ARG2: variants seen among roughly 807,000 people sequenced by gnomAD.
The protein encoded by ARG2 is arginase-2, mitochondrial.
Under a neutral mutation model 39.4 loss-of-function variants are expected in ARG2, and 21 were observed. The observed-to-expected ratio is 0.53, with a 90% confidence interval of 0.38 to 0.77. ARG2 has a LOEUF of 0.77. Among genes scored for constraint, ARG2 ranks in the 30% least tolerant of loss-of-function variants. The probability of loss-of-function intolerance (pLI) is 0.00; values close to 1 mark genes in which losing one functional copy is unlikely to be tolerated. For missense variants in ARG2, 378 were observed against 426.2 expected, an observed-to-expected ratio of 0.89 and a Z score of 1.00; for synonymous variants, 150 against 156.7, an observed-to-expected ratio of 0.96 and a Z score of 0.32.
intron 2 of ARG2, among the ~76,000 whole-genome samples, chr14:67,631,649 G>A (rs2036920442): frequency 6.6e-6 from 1 of 151,988 alleles, no homozygotes; most frequent in Non-Finnish European, 1.5e-5. Flanking sequence ...CCAGGCTGGT[G>A]TTTAACTCCT....
chr14:67,632,329 T>C (rs2036926501), intron 2 of ARG2, among the ~76,000 whole-genome samples: 1 of 152,254 alleles, frequency 6.6e-6, no homozygotes, highest in Admixed American at 6.5e-5. Flanking sequence ...ACTGACTTGA[T>C]ATATCCATAA....
intron 2 of ARG2, among the ~76,000 whole-genome samples, chr14:67,635,776 C>T (rs1010955269): frequency 2.0e-4 from 30 of 152,134 alleles, no homozygotes; most frequent in East Asian, 1.2e-3. Context: ...TTGCTTGATC[C>T]GGTGGGTGGA....
At chr14:67,645,963 G>C (rs2037092992) in intron 4 of ARG2, among the ~76,000 whole-genome samples, 161 bp downstream of exon 4, 1 of 152,156 alleles carries the variant, frequency 6.6e-6, no homozygotes, top group Non-Finnish European at 1.5e-5. Flanking sequence ...CAGATGCTAG[G>C]GGTATAAAGA....
At chr14:67,650,567 T>C in intron 7 of ARG2, 148 bp from the exon 8 acceptor site, 1 of 667,700 alleles carries the variant, frequency 1.5e-6, no homozygotes. Context: ...GAGGATGAGG[T>C]GCAAGGGGCT....
At chr14:67,644,062 C>T (rs1490945127) in intron 3 of ARG2, among the ~76,000 whole-genome samples, 2 of 152,122 alleles carry the variant, frequency 1.3e-5, no homozygotes, top group East Asian at 3.8e-4. Context: ...GACCACTGAT[C>T]AATGTGATTA....
At position 67,646,865 on chromosome 14, in the gene ARG2, T is replaced by C. The variant is rs1466123977; in HGVS notation, c.618-56T>C. The stretch of plus-strand genomic sequence containing the variant: ...AAACCCACCCTCTCCCCCAAATACA[T>C]ATTTGTTAAAAATGCTCTTTAAACT... On this transcript the variant is annotated intron_variant, in intron 5 of 7. Transcript: ENST00000261783. 7.8e-6 allele frequency: 11 copies of C among 1,406,444 alleles called. No homozygotes were observed. In the South Asian group the frequency reaches 8.1e-5, roughly 10 times the overall value. 87.1% of individuals were successfully genotyped at this position (1,406,444 alleles called of 1,614,324 possible). A position where few individuals can be genotyped will look rare whatever the true frequency, so the allele number is the denominator to read the frequency against.
intron 4 of ARG2, 150 bp from the exon 5 acceptor site, chr14:67,646,494 C>T (rs1594829940): frequency 3.4e-6 from 2 of 594,030 alleles, no homozygotes; most frequent in Non-Finnish European, 6.0e-6. Context: ...TGTCACTTCT[C>T]CTTCCCAGAT....
intron 3 of ARG2, among the ~76,000 whole-genome samples, chr14:67,644,469 C>A (rs2037070868): frequency 6.6e-6 from 1 of 152,184 alleles, no homozygotes. Context: ...AAAGACCCAA[C>A]CAGTGTGGGA....
Position 67,647,031 on chromosome 14 carries a change from TA to T in ARG2, c.722+8del. On this transcript the variant is annotated splice_region_variant and intron_variant, in intron 6 of 7. Coordinates refer to ENST00000261783, the MANE Select transcript of ARG2 (RefSeq NM_001172.4). ...TTTGATCTGCTGATTGGCAAGTAAG[TA>T]ACTATAACTGATGTCAGGGCAAACC... The T allele has an allele frequency of 1.3e-6, 2 of 1,581,278 alleles. No homozygotes were observed. Among genetic ancestry groups the T allele is most frequent in the Non-Finnish European group, 8.7e-7 (1 of 1,150,906 alleles).
Position 67,620,016 on chromosome 14 carries a change from G to T in ARG2, c.39G>T (p.Thr13=). The T allele has an allele frequency of 6.2e-7, 1 of 1,611,260 alleles. No individual in the cohort carries two copies. Among genetic ancestry groups the T allele is most frequent in the East Asian group, 2.2e-5 (1 of 44,516 alleles). ...LRGSLSRLLQ[T]RVHSILKKSV... is the part of the protein sequence containing the mutation. ...GCAGCCTCTCGCGTCTCCTCCAGAC[G>T]CGAGTGCATTCCATCCTGAAGAAAT... Residue 13 remains threonine (T), a synonymous_variant, in exon 1 of 8, where the codon ACG becomes ACT. Transcript: ENST00000261783.
intron 6 of ARG2, 185 bp downstream of exon 6, chr14:67,647,210 G>T: frequency 2.0e-6 from 1 of 502,524 alleles, no homozygotes; most frequent in Non-Finnish European, 3.5e-6. Context: ...TTGGGAGGAG[G>T]TTTCCTCTAA....
At chr14:67,623,493 C>T (rs1053403224) in intron 2 of ARG2, among the ~76,000 whole-genome samples, 6 of 146,646 alleles carry the variant, frequency 4.1e-5, no homozygotes, top group Non-Finnish European at 8.9e-5. Context: ...GTTTTATTTC[C>T]TTGGGCTTAG....
intron 2 of ARG2, among the ~76,000 whole-genome samples, chr14:67,622,815 A>G (rs575193486): frequency 2.7e-4 from 41 of 152,320 alleles, no homozygotes; most frequent in African/African-American, 9.1e-4. Flanking sequence ...GATTCCTGAC[A>G]AGAAGCGGTT....
chr14:67,631,430 CTTTCTT>C (rs959873953), intron 2 of ARG2, among the ~76,000 whole-genome samples: 5 of 128,490 alleles, frequency 3.9e-5, no homozygotes, highest in Non-Finnish European at 6.2e-5. Flanking sequence ...TCCTTTCTTT[CTTTCTT>C]TTTTTTTTTT....
At chr14:67,641,900 T>C (rs1262692802) in intron 2 of ARG2, among the ~76,000 whole-genome samples, 1 of 152,230 alleles carries the variant, frequency 6.6e-6, no homozygotes, top group Non-Finnish European at 1.5e-5. Flanking sequence ...TTTTTGATAT[T>C]TTATTTCTAC....
At position 67,650,760 on chromosome 14, in the gene ARG2, CCACCT is replaced by C. The variant is rs1248349851; in HGVS notation, c.908_912del (p.Thr303ArgfsTer9). The C allele has an allele frequency of 6.2e-7, 1 of 1,614,112 alleles. No individual in the cohort carries two copies. Among genetic ancestry groups the C allele is most frequent in the South Asian group, 1.1e-5 (1 of 91,088 alleles). On this transcript the variant is annotated frameshift_variant, in exon 8 of 8. Coordinates refer to ENST00000261783, the MANE Select transcript of ARG2 (RefSeq NM_001172.4). LOFTEE classifies it high-confidence loss of function. ...CTTGTTGAAGTCAATCCTCAGTTGG[CCACCT>C]CAGAGGAAGAGGCGAAGACTACAGC...
intron 2 of ARG2, among the ~76,000 whole-genome samples, chr14:67,633,066 C>T (rs1003275375): frequency 1.1e-4 from 16 of 152,052 alleles, no homozygotes; most frequent in African/African-American, 2.9e-4. Context: ...GTGATCCGCC[C>T]GCCTCGGCCT....
At chr14:67,633,523 T>A (rs2036939988) in intron 2 of ARG2, among the ~76,000 whole-genome samples, 1 of 152,214 alleles carries the variant, frequency 6.6e-6, no homozygotes, top group South Asian at 2.1e-4. Context: ...CCTTATCATC[T>A]TCTCCCTCCC....
chr14:67,634,391 A>G (rs1053989349), intron 2 of ARG2, among the ~76,000 whole-genome samples: 3 of 151,246 alleles, frequency 2.0e-5, no homozygotes, highest in African/African-American at 7.3e-5. Context: ...CCAGGAGTTC[A>G]AGACCAGCCT....
Sources: allele counts gnomAD v4.1 joint callset (sites outside exome capture counted in the v4.1 genomes callset), GRCh38; gene constraint gnomAD v4.1.1; transcripts MANE v1.5; gene names NCBI Gene and HGNC (gene_info 2026-07-23, HGNC 2026-07-21).